GPC5: variants seen among roughly 807,000 people sequenced by gnomAD.
The protein encoded by GPC5 is glypican-5.
A neutral mutation model predicts 53.9 loss-of-function variants in GPC5; 47 were observed. That is an observed-to-expected ratio of 0.87 (90% CI 0.69 to 1.11). The LOEUF is 1.11. Among genes scored for constraint, GPC5 ranks in the 50% most tolerant of loss-of-function variants. GPC5 has a pLI of 0.00. For missense variants in GPC5, 748 were observed against 713.1 expected (o/e 1.05, Z -0.56); for synonymous variants, 286 against 263.3 (o/e 1.09, Z -0.84).
chr13:91,823,350 A>T (rs1489065948), intron 5 of GPC5, among the ~76,000 whole-genome samples: 1 of 152,120 alleles, frequency 6.6e-6, no homozygotes, highest in Non-Finnish European at 1.5e-5. Flanking sequence ...TGAATACAAA[A>T]ATATTTTTAA....
intron 7 of GPC5, among the ~76,000 whole-genome samples, chr13:92,593,075 G>T (rs370627266): frequency 3.3e-5 from 5 of 151,226 alleles, no homozygotes; most frequent in African/African-American, 9.7e-5. Flanking sequence ...GAGGGATGGG[G>T]ATGAACTGAG....
intron 2 of GPC5, among the ~76,000 whole-genome samples, chr13:91,668,123 T>C (rs2035160451): frequency 6.6e-6 from 1 of 152,222 alleles, no homozygotes; most frequent in South Asian, 2.1e-4. Context: ...GGTCTCCTGG[T>C]TGGATCCTGT....
chr13:91,503,468 G>T (rs1460856240), intron 2 of GPC5, among the ~76,000 whole-genome samples: 2 of 151,958 alleles, frequency 1.3e-5, no homozygotes, highest in African/African-American at 4.8e-5. Context: ...AGATGGTTAG[G>T]AGGCTAATAT....
intron 6 of GPC5, among the ~76,000 whole-genome samples, chr13:92,026,440 T>G (rs1428879913): frequency 2.0e-5 from 3 of 150,562 alleles, no homozygotes; most frequent in African/African-American, 7.3e-5. Context: ...AAATAGGGAT[T>G]TTTTTCTTTT....
intron 7 of GPC5, among the ~76,000 whole-genome samples, chr13:92,282,264 C>T (rs1382827689): frequency 6.6e-6 from 1 of 152,176 alleles, no homozygotes; most frequent in African/African-American, 2.4e-5. Context: ...ACCAAATCTA[C>T]ATCTGATTGG....
At chr13:92,027,993 A>G (rs1353040796) in intron 6 of GPC5, among the ~76,000 whole-genome samples, 1 of 152,198 alleles carries the variant, frequency 6.6e-6, no homozygotes, top group Non-Finnish European at 1.5e-5. Flanking sequence ...TAACTCCTCA[A>G]ATTGCTTTTG....
chr13:92,384,623 C>G (rs1485170578), intron 7 of GPC5, among the ~76,000 whole-genome samples: 1 of 152,058 alleles, frequency 6.6e-6, no homozygotes, highest in Non-Finnish European at 1.5e-5. Flanking sequence ...GCAGACAATT[C>G]CAGAATGTAA....
At chr13:91,591,058 A>T (rs1162497256) in intron 2 of GPC5, among the ~76,000 whole-genome samples, 1 of 152,180 alleles carries the variant, frequency 6.6e-6, no homozygotes, top group Non-Finnish European at 1.5e-5. Context: ...ATGTTTGTAA[A>T]GCTCCTAAGA....
At chr13:92,413,749 G>C (rs1323533307) in intron 7 of GPC5, among the ~76,000 whole-genome samples, 1 of 152,172 alleles carries the variant, frequency 6.6e-6, no homozygotes, top group Admixed American at 6.5e-5. Flanking sequence ...TCGAGGTAAA[G>C]GATATAAGGT....
rs188440742 is a variant in GPC5 at position 92,682,889 on chromosome 13, A to T, written c.1562-183393A>T. Among the ~76,000 whole-genome samples, 10 of 152,278 alleles carry T rather than the reference A, an allele frequency of 6.6e-5. No individual in the cohort carries two copies. In the East Asian group the frequency reaches 1.9e-3, roughly 29 times the overall value. On this transcript the variant is annotated intron_variant, in intron 7 of 7. Transcript: ENST00000377067. ...CCTGGCTTTCTGGGAAGAATGTGGG[A>T]GTAGGGTTAATACTGAAATGCAAGA...
At chr13:92,314,163 T>C (rs1052520017) in intron 7 of GPC5, among the ~76,000 whole-genome samples, 12 of 152,166 alleles carry the variant, frequency 7.9e-5, no homozygotes, top group African/African-American at 2.9e-4. Flanking sequence ...ACATGTCTTT[T>C]TCTTGAATTT....
chr13:91,810,200 C>A (rs2038288047), intron 5 of GPC5, among the ~76,000 whole-genome samples: 1 of 151,668 alleles, frequency 6.6e-6, no homozygotes, highest in Non-Finnish European at 1.5e-5. Context: ...TATGACCAGG[C>A]CCTAAGATGT....
intron 6 of GPC5, among the ~76,000 whole-genome samples, chr13:91,929,597 ATTTTT>A (rs2039801657): frequency 6.6e-6 from 1 of 151,748 alleles, no homozygotes; most frequent in African/African-American, 2.4e-5. Flanking sequence ...TTCATTTGAA[ATTTTT>A]CACTTGATTT....
chr13:92,839,965 A>G (rs1878366817), intron 7 of GPC5, among the ~76,000 whole-genome samples: 1 of 151,462 alleles, frequency 6.6e-6, no homozygotes, highest in South Asian at 2.1e-4. Flanking sequence ...CAAATTTATT[A>G]TGTTCTTATT....
intron 7 of GPC5, among the ~76,000 whole-genome samples, chr13:92,757,739 C>G (rs903925313): frequency 1.3e-5 from 2 of 152,216 alleles, no homozygotes; most frequent in Non-Finnish European, 1.5e-5. Flanking sequence ...AAATGCTCAT[C>G]ATCACTGGCC....
intron 5 of GPC5, among the ~76,000 whole-genome samples, chr13:91,822,615 A>G (rs371077470): frequency 1.1e-4 from 16 of 152,086 alleles, no homozygotes; most frequent in Middle Eastern, 3.2e-3. Context: ...ACTATCATGA[A>G]AACAGCACAG....
chr13:92,210,587 T>G (rs889266834), intron 7 of GPC5, among the ~76,000 whole-genome samples: 1 of 152,134 alleles, frequency 6.6e-6, no homozygotes, highest in Non-Finnish European at 1.5e-5. Context: ...TTTATAACAG[T>G]GGTCCATAAT....
At chr13:92,669,287 T>A (rs949541761) in intron 7 of GPC5, among the ~76,000 whole-genome samples, 19 of 152,138 alleles carry the variant, frequency 1.2e-4, no homozygotes, top group Non-Finnish European at 1.8e-4. Context: ...TCCATTTTTT[T>A]ATTTCACCAT....
At chr13:91,542,122 T>C (rs1315759573) in intron 2 of GPC5, among the ~76,000 whole-genome samples, 1 of 152,018 alleles carries the variant, frequency 6.6e-6, no homozygotes, top group Non-Finnish European at 1.5e-5. Context: ...TCTTTCAGTA[T>C]ATTGTTGAGA....
Sources: allele counts gnomAD v4.1 joint callset (sites outside exome capture counted in the v4.1 genomes callset), GRCh38; gene constraint gnomAD v4.1.1; transcripts MANE v1.5; gene names NCBI Gene and HGNC (gene_info 2026-07-23, HGNC 2026-07-21).